The following ADK variants were observed in gnomAD, a reference collection of about 807,000 sequenced individuals.
ADK encodes the protein N6,N6-dimethyladenosine kinase.
A neutral mutation model predicts 44.7 loss-of-function variants in ADK; 24 were observed. The observed-to-expected ratio is 0.54, with a 90% CI of 0.39 to 0.76. The LOEUF is 0.76. ADK is among the 30% of genes least tolerant of loss of function. The probability of loss-of-function intolerance (pLI) is 0.00; values close to 1 mark genes in which losing one functional copy is unlikely to be tolerated. For synonymous variants in ADK, 128 were observed against 142.6 expected (o/e 0.90, Z 0.73); for missense variants, 321 against 425.1 (o/e 0.76, Z 2.15).
At chr10:74,495,750 G>C (rs534425721) in intron 6 of ADK, among the ~76,000 whole-genome samples, 2 of 152,218 alleles carry the variant, frequency 1.3e-5, no homozygotes, top group African/African-American at 4.8e-5. Context: ...GTAGGAAAAG[G>C]ACACTTGTCA....
At chr10:74,684,103 G>T (rs1855710025) in intron 10 of ADK, among the ~76,000 whole-genome samples, 1 of 152,174 alleles carries the variant, frequency 6.6e-6, no homozygotes, top group African/African-American at 2.4e-5. Context: ...CATCTGTCAG[G>T]GTTGTGAAAC....
At position 74,470,234 on chromosome 10, in the gene ADK, A is replaced by G. The variant is rs373518053; in HGVS notation, c.556-55022A>G. On this transcript the variant is annotated intron_variant, in intron 6 of 10. Coordinates refer to ENST00000539909, the MANE Select transcript of ADK (RefSeq NM_006721.4). ...GAGACAGGGTTTCACCACATTGGCC[A>G]GGCTGGTCTCGAACTCCTGACCTCA... 2.2e-4 allele frequency among the ~76,000 whole-genome samples: 34 copies of G among 152,112 alleles called. No homozygotes were observed. In the East Asian group the frequency reaches 6.6e-3, roughly 30 times the overall value.
intron 4 of ADK, among the ~76,000 whole-genome samples, chr10:74,354,020 C>T (rs1248332084): frequency 1.3e-5 from 2 of 152,112 alleles, no homozygotes. Context: ...TTTCCTTTGT[C>T]CAGAATAAGC....
At chr10:74,526,098 A>T (rs1849028417) in intron 7 of ADK, among the ~76,000 whole-genome samples, 1 of 152,032 alleles carries the variant, frequency 6.6e-6, no homozygotes, top group South Asian at 2.1e-4. Context: ...CACATTCATC[A>T]CTTTTTTAAG....
chr10:74,660,184 A>G (rs919271998), intron 9 of ADK, among the ~76,000 whole-genome samples: 7 of 152,132 alleles, frequency 4.6e-5, no homozygotes, highest in Admixed American at 3.9e-4. Flanking sequence ...GCTGGAGTGC[A>G]GCAGCACTAT....
chr10:74,189,804 A>T (rs1307597395), intron 1 of ADK, among the ~76,000 whole-genome samples: 1 of 152,062 alleles, frequency 6.6e-6, no homozygotes, highest in Non-Finnish European at 1.5e-5. Context: ...TTGTCCCTAC[A>T]AATTTGCCTA....
chr10:74,553,072 C>T (rs75112833), intron 7 of ADK, among the ~76,000 whole-genome samples: 3,296 of 151,450 alleles, frequency 0.022, 121 homozygotes, highest in African/African-American at 0.076. Flanking sequence ...ACCCTATGAT[C>T]CAGCAAGTCA....
intron 4 of ADK, among the ~76,000 whole-genome samples, chr10:74,386,694 C>T (rs1470956667): frequency 1.3e-5 from 2 of 152,196 alleles, no homozygotes; most frequent in African/African-American, 2.4e-5. Flanking sequence ...ATCTGGCCTA[C>T]ATCTACCTTT....
intron 9 of ADK, among the ~76,000 whole-genome samples, chr10:74,638,148 T>G (rs1471346241): frequency 1.3e-5 from 2 of 152,090 alleles, no homozygotes; most frequent in Non-Finnish European, 2.9e-5. Context: ...ATATTTAGAG[T>G]CCTGATGTAA....
At chr10:74,416,665 C>A (rs1844386822) in intron 6 of ADK, among the ~76,000 whole-genome samples, 1 of 151,476 alleles carries the variant, frequency 6.6e-6, no homozygotes, top group African/African-American at 2.4e-5. Context: ...CATCTAATTT[C>A]TGTCCAGTCT....
chr10:74,424,588 C>T (rs1160307255), intron 6 of ADK, among the ~76,000 whole-genome samples: 2 of 149,592 alleles, frequency 1.3e-5, no homozygotes, highest in African/African-American at 5.0e-5. Flanking sequence ...CTCTCTCCAC[C>T]CCAGAGGGTA....
chr10:74,163,796 C>T (rs531134118), intron 1 of ADK, among the ~76,000 whole-genome samples: 1 of 152,240 alleles, frequency 6.6e-6, no homozygotes, highest in Admixed American at 6.5e-5. Context: ...ATTTCCTTTA[C>T]AAATAAACAG....
intron 9 of ADK, among the ~76,000 whole-genome samples, chr10:74,662,880 C>T (rs1854794146): frequency 6.6e-6 from 1 of 152,114 alleles, no homozygotes; most frequent in South Asian, 2.1e-4. Context: ...AACTCCCCTC[C>T]CTTGTCACAC....
At chr10:74,474,792 G>A (rs1204401660) in intron 6 of ADK, among the ~76,000 whole-genome samples, 1 of 152,104 alleles carries the variant, frequency 6.6e-6, no homozygotes, top group African/African-American at 2.4e-5. Flanking sequence ...CCAAAGTGCT[G>A]GAATTACAGG....
At chr10:74,614,781 C>T (rs1437407609) in intron 9 of ADK, among the ~76,000 whole-genome samples, 1 of 152,122 alleles carries the variant, frequency 6.6e-6, no homozygotes. Flanking sequence ...CCCTGGTTCC[C>T]TTTATTGAAG....
At chr10:74,228,586 C>T (rs923973220) in intron 3 of ADK, among the ~76,000 whole-genome samples, 7 of 152,068 alleles carry the variant, frequency 4.6e-5, no homozygotes, top group South Asian at 4.2e-4. Context: ...TTCAATAAAG[C>T]GGTTTAAGAA....
chr10:74,685,658 T>C (rs189811774), intron 10 of ADK, among the ~76,000 whole-genome samples: 1 of 152,342 alleles, frequency 6.6e-6, no homozygotes, highest in Admixed American at 6.5e-5. Context: ...ACATAAAGGA[T>C]ATGGATTTAT....
chr10:74,180,208 TTTATTA>T (rs201127930), intron 1 of ADK, among the ~76,000 whole-genome samples: 30 of 96,506 alleles, frequency 3.1e-4, no homozygotes, highest in African/African-American at 5.9e-4. Context: ...CTCTTTTCTT[TTTATTA>T]TTATTATTAT....
intron 9 of ADK, among the ~76,000 whole-genome samples, chr10:74,628,882 A>G (rs1853314849): frequency 6.6e-6 from 1 of 152,150 alleles, no homozygotes; most frequent in Admixed American, 6.5e-5. Flanking sequence ...AGGAGGGATA[A>G]TCAGTCATAG....
Sources: allele counts gnomAD v4.1 joint callset (sites outside exome capture counted in the v4.1 genomes callset), GRCh38; gene constraint gnomAD v4.1.1; transcripts MANE v1.5; gene names NCBI Gene and HGNC (gene_info 2026-07-23, HGNC 2026-07-21).